DIP2C: variants seen among roughly 807,000 people sequenced by gnomAD.
DIP2C encodes the protein DIP2 acetate--CoA ligase C (putative), also known as disco-interacting protein 2 homolog C.
Under a neutral mutation model 192.4 loss-of-function variants are expected in DIP2C, and 33 were observed. That is an observed-to-expected ratio of 0.17 (90% CI 0.13 to 0.23). The LOEUF is 0.23. Among genes scored for constraint, DIP2C ranks in the 10% least tolerant of loss-of-function variants. The probability of loss-of-function intolerance (pLI) is 1.00; values close to 1 mark genes in which losing one functional copy is unlikely to be tolerated. For missense variants in DIP2C, 1,537 were observed against 2,110.1 expected (o/e 0.73, Z 5.32); for synonymous variants, 979 against 864.1 (o/e 1.13, Z -2.33).
At chr10:472,578 G>C in intron 2 of DIP2C, 29 bp from the exon 3 acceptor site, 1 of 1,578,592 alleles carries the variant, frequency 6.3e-7, no homozygotes, top group Non-Finnish European at 8.7e-7. Flanking sequence ...AGCAGAGTGA[G>C]GTGTGACTGT....
intron 1 of DIP2C, among the ~76,000 whole-genome samples, chr10:492,090 T>C (rs1017189065): frequency 3.3e-5 from 5 of 152,196 alleles, no homozygotes; most frequent in Middle Eastern, 3.2e-3. Flanking sequence ...GTTGTTGCTC[T>C]GCTCTGATGT....
intron 35 of DIP2C, among the ~76,000 whole-genome samples, chr10:282,681 C>G (rs1211374671): frequency 1.3e-5 from 2 of 152,266 alleles, no homozygotes; most frequent in South Asian, 2.1e-4. Flanking sequence ...CTTCACCCTG[C>G]TCTCCTCTGA....
At chr10:342,238 A>G (rs1958186962) in intron 28 of DIP2C, among the ~76,000 whole-genome samples, 1 of 151,994 alleles carries the variant, frequency 6.6e-6, no homozygotes, top group Non-Finnish European at 1.5e-5. Flanking sequence ...CGCTCACTGC[A>G]AACTCCGCCT....
intron 1 of DIP2C, among the ~76,000 whole-genome samples, chr10:513,448 C>T (rs1400798767): frequency 1.3e-5 from 2 of 152,228 alleles, no homozygotes; most frequent in Non-Finnish European, 2.9e-5. Context: ...CACCTCTCAT[C>T]CACCACAGCA....
At chr10:661,543 T>C (rs565947247) in intron 1 of DIP2C, among the ~76,000 whole-genome samples, 5 of 152,336 alleles carry the variant, frequency 3.3e-5, no homozygotes, top group East Asian at 1.9e-4. Flanking sequence ...CCCCTGGTTT[T>C]CAGCAACACT....
rs534816747 is a variant in DIP2C at position 361,818 on chromosome 10, T to C, written c.2794+672A>G. Among the ~76,000 whole-genome samples, 8 of 152,336 alleles carry C rather than the reference T, an allele frequency of 5.3e-5. No homozygotes were observed. In the East Asian group the frequency reaches 1.5e-3, roughly 29 times the overall value. ...TTTCAGAGCACTCCCTGAGGGACGA[T>C]GCCCATGGCTTGAGCGGCTCCCAAC... is the stretch of plus-strand genomic sequence containing the variant. On this transcript the variant is annotated intron_variant, in intron 22 of 36. Coordinates refer to ENST00000280886, the MANE Select transcript of DIP2C (RefSeq NM_014974.3).
chr10:395,568 T>TG (rs1963923814), intron 10 of DIP2C, among the ~76,000 whole-genome samples: 1 of 152,244 alleles, frequency 6.6e-6, no homozygotes, highest in African/African-American at 2.4e-5. Flanking sequence ...GACCACTGGT[T>TG]GGCACAGTAA....
Position 326,996 on chromosome 10 carries a change from C to G in DIP2C, c.3924+10G>C, listed in dbSNP as rs368038137. On this transcript the variant is annotated intron_variant, in intron 31 of 36. Coordinates refer to ENST00000280886, the MANE Select transcript of DIP2C (RefSeq NM_014974.3). ...TTCCCACTCAGCACTGTGATGTCGCCGAATCTCACCTGCAAGCAAATCGCC... is the reference window on the plus strand; with the variant it reads ...TTCCCACTCAGCACTGTGATGTCGCGGAATCTCACCTGCAAGCAAATCGCC... The G allele has an allele frequency of 6.2e-7, 1 of 1,607,660 alleles. No individual in the cohort carries two copies. Among genetic ancestry groups the G allele is most frequent in the Non-Finnish European group, 8.5e-7 (1 of 1,176,842 alleles).
intron 9 of DIP2C, among the ~76,000 whole-genome samples, chr10:407,408 C>T (rs1964881926): frequency 6.6e-6 from 1 of 152,164 alleles, no homozygotes; most frequent in African/African-American, 2.4e-5. Context: ...GTACTCATCT[C>T]TCTCCTAGAC....
At chr10:542,223 G>C (rs1409911465) in intron 1 of DIP2C, among the ~76,000 whole-genome samples, 3 of 152,186 alleles carry the variant, frequency 2.0e-5, no homozygotes, top group Non-Finnish European at 2.9e-5. Context: ...GCCTCTGCGA[G>C]TTACCTCCTG....
At chr10:631,816 T>G (rs1212034261) in intron 1 of DIP2C, among the ~76,000 whole-genome samples, 1 of 152,242 alleles carries the variant, frequency 6.6e-6, no homozygotes, top group Non-Finnish European at 1.5e-5. Flanking sequence ...TATACAAGCA[T>G]GAAGTTTGGC....
At chr10:423,628 C>T (rs1687867275) in intron 4 of DIP2C, among the ~76,000 whole-genome samples, 1 of 151,968 alleles carries the variant, frequency 6.6e-6, no homozygotes, top group South Asian at 2.1e-4. Context: ...ACCCATGCAG[C>T]TGATTTATTT....
At position 378,562 on chromosome 10, in the gene DIP2C, CACAAACAT is replaced by C. The variant is rs1453503569; in HGVS notation, c.1991+4077_1991+4084del. 1.3e-5 allele frequency among the ~76,000 whole-genome samples: 2 copies of C among 148,946 alleles called. 1 individual carries two copies. The highest frequency in any genetic ancestry group is 4.4e-4 in the South Asian group (2 of 4,518). On this transcript the variant is annotated intron_variant, in intron 17 of 36. Coordinates refer to ENST00000280886, the MANE Select transcript of DIP2C (RefSeq NM_014974.3). ...ATGTGAACACATGCAGACACGTGAA[CACAAACAT>C]GCAGACATGTGAACGCAGACATAGA... is the stretch of plus-strand genomic sequence containing the variant.
chr10:509,848 C>A (rs573292983), intron 1 of DIP2C, among the ~76,000 whole-genome samples: 114 of 152,286 alleles, frequency 7.5e-4, no homozygotes, highest in Middle Eastern at 3.4e-3. Context: ...GCCGCAGTCT[C>A]CTCCCAACCC....
At chr10:445,835 G>A (rs1023601175) in intron 3 of DIP2C, among the ~76,000 whole-genome samples, 1 of 151,810 alleles carries the variant, frequency 6.6e-6, no homozygotes, top group Non-Finnish European at 1.5e-5. Flanking sequence ...TACATCTGCT[G>A]TGAAGAGTCT....
intron 31 of DIP2C, chr10:325,031 A>T (rs72653036): frequency 0.018 from 9,085 of 502,158 alleles, 210 homozygotes; most frequent in African/African-American, 0.075. Context: ...TTTAGGAGGC[A>T]AAGGAAGGCG....
At chr10:396,823 CGGTGGGGGGGGGGG>C (rs1964020085) in intron 10 of DIP2C, among the ~76,000 whole-genome samples, 3 of 49,902 alleles carry the variant, frequency 6.0e-5, no homozygotes, top group Non-Finnish European at 1.5e-4. Context: ...GCTGCAAATC[CGGTGGGGGGGGGGG>C]AAACTGGCTG....
At chr10:629,216 T>TG (rs1854368828) in intron 1 of DIP2C, among the ~76,000 whole-genome samples, 1 of 152,140 alleles carries the variant, frequency 6.6e-6, no homozygotes, top group African/African-American at 2.4e-5. Flanking sequence ...GGTAGCTACC[T>TG]GGGGGTCATC....
In DIP2C at chr10:384,717, A is replaced by G. The variant is rs1043188212; in HGVS notation, c.1663-78T>C. On this transcript the variant is annotated intron_variant, in intron 14 of 36. Transcript: ENST00000280886. ...GCAGCTCTCACCCAGTGGCATGGACACTAGGCCGCACGGGCAGGGGGGAGC... is the reference window on the plus strand; with the variant it reads ...GCAGCTCTCACCCAGTGGCATGGACGCTAGGCCGCACGGGCAGGGGGGAGC... 9.2e-6 allele frequency: 13 copies of G among 1,419,050 alleles called. No homozygotes were observed. The South Asian group carries it at 9.5e-5, about 10-fold the overall frequency. 87.9% of individuals were successfully genotyped at this position (1,419,050 alleles called of 1,614,324 possible).
Sources: allele counts gnomAD v4.1 joint callset (sites outside exome capture counted in the v4.1 genomes callset), GRCh38; gene constraint gnomAD v4.1.1; transcripts MANE v1.5; gene names NCBI Gene and HGNC (gene_info 2026-07-23, HGNC 2026-07-21).